PCDH15: variants seen among roughly 807,000 people sequenced by gnomAD.
PCDH15 encodes the protein protocadherin related 15.
In PCDH15, 129 loss-of-function variants were observed where a neutral mutation model predicts 178.5. The ratio of observed to expected loss-of-function variants is 0.72; its 90% CI spans 0.63 to 0.84. PCDH15 has a LOEUF of 0.84. PCDH15 is among the 40% of genes least tolerant of loss of function. The pLI is 0.00. For missense variants in PCDH15, 2,230 were observed against 2,099.9 expected (o/e 1.06, Z -1.21); for synonymous variants, 800 against 732.0 (o/e 1.09, Z -1.50).
At chr10:54,517,273 A>T (rs951960600) in intron 3 of PCDH15, among the ~76,000 whole-genome samples, 1 of 152,220 alleles carries the variant, frequency 6.6e-6, no homozygotes, top group Non-Finnish European at 1.5e-5. Flanking sequence ...GGCAAATTGG[A>T]TAAAGAGTCA....
At chr10:55,351,170 C>G (rs1844923182) in intron 2 of PCDH15, among the ~76,000 whole-genome samples, 1 of 149,642 alleles carries the variant, frequency 6.7e-6, no homozygotes, top group Non-Finnish European at 1.5e-5. Flanking sequence ...ACTGTGTTTT[C>G]TCCTAATACT....
chr10:55,565,098 T>G (rs1842274971), intron 2 of PCDH15, among the ~76,000 whole-genome samples: 1 of 151,754 alleles, frequency 6.6e-6, no homozygotes. Flanking sequence ...GATTATGTGT[T>G]AGGCCACAAA....
chr10:55,042,806 T>C (rs1840900729), intron 2 of PCDH15, among the ~76,000 whole-genome samples: 1 of 152,194 alleles, frequency 6.6e-6, no homozygotes, highest in African/African-American at 2.4e-5. Flanking sequence ...TACAAACCCA[T>C]GCTATGATCT....
intron 1 of PCDH15, among the ~76,000 whole-genome samples, chr10:54,713,803 G>A (rs1417167094): frequency 1.3e-5 from 2 of 151,872 alleles, no homozygotes; most frequent in Non-Finnish European, 2.9e-5. Context: ...TCTTTCCCTA[G>A]ACCTGAAAAG....
chr10:55,549,120 G>T (rs1013532224), intron 2 of PCDH15, among the ~76,000 whole-genome samples: 1 of 151,900 alleles, frequency 6.6e-6, no homozygotes. Context: ...GTCTACTGAA[G>T]AATTGACATA....
intron 1 of PCDH15, among the ~76,000 whole-genome samples, chr10:55,288,944 AC>A (rs1187333699): frequency 1.3e-5 from 2 of 151,632 alleles, no homozygotes; most frequent in Admixed American, 6.6e-5. Flanking sequence ...TTTTTGAAAA[AC>A]CACCAAATTG....
intron 2 of PCDH15, among the ~76,000 whole-genome samples, chr10:55,376,520 A>G (rs548318160): frequency 2.0e-5 from 3 of 152,216 alleles, no homozygotes; most frequent in Admixed American, 2.0e-4. Flanking sequence ...GACTTACAGT[A>G]TCTGAATCAT....
intron 3 of PCDH15, among the ~76,000 whole-genome samples, chr10:54,887,781 CA>C (rs1954385800): frequency 1.2e-5 from 1 of 80,560 alleles, no homozygotes; most frequent in Non-Finnish European, 2.8e-5. Flanking sequence ...GTCCTTCCTT[CA>C]GTGAGATAGT....
chr10:53,843,625 A>G (rs2077793616), intron 28 of PCDH15, among the ~76,000 whole-genome samples: 1 of 152,032 alleles, frequency 6.6e-6, no homozygotes, highest in Non-Finnish European at 1.5e-5. Flanking sequence ...AATGGGAATA[A>G]AAGAACAATA....
In PCDH15 at chr10:54,819,627, CTG is replaced by C. The variant is rs1232411643; in HGVS notation, c.-29+77821_-29+77822del. ...AATTATTATTTTCACGAATGTTTCT[CTG>C]TAATTTTTACTGTTAGTGTGGCATT... On this transcript the variant is annotated intron_variant, in intron 3 of 5. Coordinates refer to the PCDH15 transcript ENST00000458638. 1.8e-4 allele frequency among the ~76,000 whole-genome samples: 28 copies of C among 152,062 alleles called. No homozygotes were observed. The South Asian group carries it at 5.0e-3, about 27-fold the overall frequency.
intron 26 of PCDH15, among the ~76,000 whole-genome samples, chr10:53,872,322 C>G (rs1024005908): frequency 5.9e-5 from 9 of 152,066 alleles, no homozygotes; most frequent in Non-Finnish European, 1.0e-4. Context: ...GGAGATATTC[C>G]GCTTAAAGAA....
At chr10:55,351,588 A>G (rs1295508860) in intron 2 of PCDH15, among the ~76,000 whole-genome samples, 3 of 152,134 alleles carry the variant, frequency 2.0e-5, no homozygotes, top group African/African-American at 7.2e-5. Context: ...AATTCAAACC[A>G]AGCCACTTCA....
intron 8 of PCDH15, among the ~76,000 whole-genome samples, chr10:54,284,585 G>A (rs1157144203): frequency 6.6e-6 from 1 of 152,120 alleles, no homozygotes; most frequent in Admixed American, 6.5e-5. Context: ...GTAACATAAA[G>A]GTTGAAGTTT....
At chr10:54,471,467 G>A (rs2077913051) in intron 3 of PCDH15, among the ~76,000 whole-genome samples, 1 of 151,998 alleles carries the variant, frequency 6.6e-6, no homozygotes, top group Admixed American at 6.6e-5. Flanking sequence ...CAATCATTTA[G>A]CAATTACTCA....
chr10:55,483,010 T>C (rs1840215534), intron 2 of PCDH15, among the ~76,000 whole-genome samples: 1 of 151,796 alleles, frequency 6.6e-6, no homozygotes. Context: ...TCTTACACTG[T>C]ATATAAACAT....
chr10:54,166,601 A>G (rs904286196), intron 13 of PCDH15, among the ~76,000 whole-genome samples: 1 of 152,090 alleles, frequency 6.6e-6, no homozygotes, highest in East Asian at 1.9e-4. Context: ...TTCCCCTAAG[A>G]TCTCCTGTAT....
At chr10:55,397,881 G>A (rs973779124) in intron 2 of PCDH15, among the ~76,000 whole-genome samples, 4 of 152,148 alleles carry the variant, frequency 2.6e-5, no homozygotes, top group African/African-American at 4.8e-5. Context: ...GAGCCACCAC[G>A]CCTGGCCTGT....
chr10:54,973,419 G>A (rs937088699), intron 2 of PCDH15, among the ~76,000 whole-genome samples: 13 of 152,166 alleles, frequency 8.5e-5, no homozygotes, highest in African/African-American at 3.1e-4. Context: ...TGTAACCCAA[G>A]GGTGTTTTAA....
At chr10:54,555,942 A>G (rs1249249198) in intron 2 of PCDH15, among the ~76,000 whole-genome samples, 1 of 147,510 alleles carries the variant, frequency 6.8e-6, no homozygotes, top group Non-Finnish European at 1.5e-5. Flanking sequence ...TTAAGCCTCC[A>G]TCTACACTTG....
Sources: gnomAD v4.1 joint callset for allele counts (sites outside exome capture counted in the v4.1 genomes callset) on GRCh38, gnomAD v4.1.1 for gene constraint, MANE v1.5 for transcripts, NCBI Gene and HGNC (gene_info 2026-07-23, HGNC 2026-07-21) for gene names.